TCOF1: variants seen among roughly 807,000 people sequenced by gnomAD.
TCOF1 encodes treacle protein.
A neutral mutation model predicts 149.0 loss-of-function variants in TCOF1; 33 were observed. The ratio of observed to expected loss-of-function variants is 0.22; its 90% CI spans 0.17 to 0.30. The LOEUF (loss-of-function observed/expected upper bound fraction) is 0.30, where lower values mean the gene tolerates loss of function less well. Among genes scored for constraint, TCOF1 ranks in the 10% least tolerant of loss-of-function variants. The probability of loss-of-function intolerance (pLI) is 1.00; values close to 1 mark genes in which losing one functional copy is unlikely to be tolerated. For synonymous variants in TCOF1, 789 were observed against 738.8 expected, an observed-to-expected ratio of 1.07 and a Z score of -1.10; for missense variants, 1,728 against 1,840.7, an observed-to-expected ratio of 0.94 and a Z score of 1.12.
chr5:150,391,486 G>T, intron 19 of TCOF1, 58 bp from the exon 20 acceptor site: 1 of 1,451,496 alleles, frequency 6.9e-7, no homozygotes, highest in South Asian at 1.1e-5. Context: ...ACCAGGGTGT[G>T]GCACAGCTGG....
chr5:150,395,716 C>A (rs1177424161), intron 23 of TCOF1, among the ~76,000 whole-genome samples: 6 of 152,122 alleles, frequency 3.9e-5, no homozygotes, highest in Non-Finnish European at 8.8e-5. Context: ...ACCCCCTGAC[C>A]AGGAAGGGCC....
chr5:150,357,714 G>C lies in TCOF1; in HGVS notation c.-33G>C. ...TGGCGGGCGGGGACTAAGGCGGGGCGTGCAGGTAGCCGGCCGGCCGGGGGT... is the reference window on the plus strand; with the variant it reads ...TGGCGGGCGGGGACTAAGGCGGGGCCTGCAGGTAGCCGGCCGGCCGGGGGT... On this transcript the variant is annotated 5_prime_UTR_variant, in exon 1 of 27. Transcript: ENST00000643257. The C allele has an allele frequency of 6.5e-7, 1 of 1,532,548 alleles. No individual in the cohort carries two copies. Among genetic ancestry groups the C allele is most frequent in the Non-Finnish European group, 8.8e-7 (1 of 1,135,264 alleles). 94.9% of individuals were successfully genotyped at this position (1,532,548 alleles called of 1,614,324 possible).
intron 18 of TCOF1, among the ~76,000 whole-genome samples, chr5:150,389,305 A>G (rs1159111599): frequency 6.6e-6 from 1 of 152,250 alleles, no homozygotes; most frequent in Non-Finnish European, 1.5e-5. Context: ...TCTAATGTTC[A>G]GTAACCTTCA....
At chr5:150,395,932 AG>A (rs1768408966) in intron 23 of TCOF1, among the ~76,000 whole-genome samples, 1 of 152,184 alleles carries the variant, frequency 6.6e-6, no homozygotes, top group Admixed American at 6.5e-5. Context: ...CCTTCCTCCC[AG>A]CTCCAGACTC....
At position 150,376,169 on chromosome 5, in the gene TCOF1, G is replaced by A. The variant is rs1038325143; in HGVS notation, c.1981G>A (p.Val661Met). ...ATCTGCCAAGGTCGCCCCTGTGCGA[G>A]TGGGCACCCAAGCCCCCCGGAAAGC... ...TASAKVAPVR[V>M]GTQAPRKAGT... The change falls in exon 13 of 27, where the codon GTG becomes ATG. Residue 661 changes from valine to methionine, a missense_variant. Around this residue, in one of 2 missense-constraint regions of TCOF1, gnomAD observed 1,696 missense variants for 1,765.4 expected, o/e 0.96. Coordinates refer to ENST00000643257, the MANE Select transcript of TCOF1 (RefSeq NM_001371623.1). 10 of 1,614,128 alleles carry A rather than the reference G, an allele frequency of 6.2e-6. No homozygotes were observed. Among genetic ancestry groups the A allele is most frequent in the Non-Finnish European group, 8.5e-6 (10 of 1,180,050 alleles).
At chr5:150,392,220 T>C (rs770279145) in intron 21 of TCOF1, 44 bp downstream of exon 21, 1 of 1,595,550 alleles carries the variant, frequency 6.3e-7, no homozygotes, top group South Asian at 1.1e-5. Flanking sequence ...AGGAAGAGGG[T>C]GTTGTGTGGC....
At chr5:150,363,549 C>A (rs1238504870) in intron 2 of TCOF1, among the ~76,000 whole-genome samples, 1 of 152,206 alleles carries the variant, frequency 6.6e-6, no homozygotes, top group Non-Finnish European at 1.5e-5. Context: ...TAGTGAGCTG[C>A]CAGCTGCCTT....
In TCOF1 at chr5:150,364,169, A is replaced by G. The variant is rs748855952; in HGVS notation, c.221A>G (p.Lys74Arg). The part of the protein sequence containing the change: ...KAEEDAALQA[K>R]KTRVSDPIST... ...GAGGAAGATGCGGCACTGCAAGCTA[A>G]GAAAACCCGTGTGTCAGACCCCATC... The change falls in exon 3 of 27, where the codon AAG (lysine) becomes AGG (arginine). Residue 74 changes from lysine (K) to arginine (R), a missense_variant. Physicochemically the swap from Lys to Arg is conservative, Grantham distance 26. Around this residue, in one of 2 missense-constraint regions of TCOF1, gnomAD observed 1,696 missense variants for 1,765.4 expected, o/e 0.96. Coordinates refer to ENST00000643257, the MANE Select transcript of TCOF1 (RefSeq NM_001371623.1). 1.2e-6 allele frequency: 2 copies of G among 1,614,072 alleles called. No individual in the cohort carries two copies. The highest frequency in any genetic ancestry group is 1.7e-5 in the Admixed American group (1 of 60,002).
At chr5:150,374,427 C>T in intron 8 of TCOF1, 41 bp downstream of exon 8, 2 of 1,550,112 alleles carry the variant, frequency 1.3e-6, no homozygotes, top group Non-Finnish European at 1.7e-6. Flanking sequence ...CCAGGCCCGT[C>T]CCCAGAAGGC....
intron 19 of TCOF1, among the ~76,000 whole-genome samples, 184 bp from the exon 20 acceptor site, chr5:150,391,360 C>T (rs941235638): frequency 2.0e-5 from 3 of 152,174 alleles, no homozygotes; most frequent in African/African-American, 7.2e-5. Context: ...GGGAACTGTC[C>T]CTTGCTCCTT....
chr5:150,374,111 C>A (rs1763151342), intron 7 of TCOF1, 63 bp from the exon 8 acceptor site: 1 of 1,542,740 alleles, frequency 6.5e-7, no homozygotes, highest in African/African-American at 1.4e-5. Context: ...GGACTTTATC[C>A]TAAAGGCATC....
chr5:150,379,503 C>T (rs1340354813), intron 16 of TCOF1, 29 bp from the exon 17 acceptor site: 2 of 1,379,450 alleles, frequency 1.4e-6, no homozygotes, highest in Admixed American at 1.8e-5. Context: ...CCTCCAGGCT[C>T]TCTCCTCTCA....
intron 2 of TCOF1, 84 bp downstream of exon 2, chr5:150,361,295 C>T: frequency 6.6e-7 from 1 of 1,524,930 alleles, no homozygotes; most frequent in Non-Finnish European, 9.1e-7. Context: ...CCTATCTGGT[C>T]TAAGATCTGT....
At chr5:150,396,905 G>A in intron 24 of TCOF1, 63 bp downstream of exon 24, 1 of 1,537,852 alleles carries the variant, frequency 6.5e-7, no homozygotes. Context: ...GGGCGGGAGG[G>A]ACCCTCAGCC....
rs199935918 is a variant in TCOF1, at chr5:150,375,474, G to A, written c.1624G>A (p.Glu542Lys). 11 of 1,613,992 alleles carry A rather than the reference G, an allele frequency of 6.8e-6. No individual in the cohort carries two copies. The highest frequency in any genetic ancestry group is 5.0e-5 in the Admixed American group (3 of 60,006). Residue 542 changes from glutamate (E) to lysine (K), a missense_variant, in exon 11 of 27, where the codon GAG becomes AAG. Glu to Lys is a moderately conservative substitution (Grantham distance 56). Transcript: ENST00000643257. ...ATPSAQVGKW[E>K]EDSESSSEES... ...CCCCTCAGCCCAGGTGGGGAAGTGGGAGGAGGACTCAGAGAGCAGTAGTGA... is the reference window on the plus strand; with the variant it reads ...CCCCTCAGCCCAGGTGGGGAAGTGGAAGGAGGACTCAGAGAGCAGTAGTGA...
rs1301014904 is a variant in TCOF1 at position 150,388,101 on chromosome 5, C to T, written c.3046+13C>T. 1 of 1,612,854 alleles carries T rather than the reference C, an allele frequency of 6.2e-7. No individual in the cohort carries two copies. Among genetic ancestry groups the T allele is most frequent in the Non-Finnish European group, 8.5e-7 (1 of 1,179,890 alleles). On this transcript the variant is annotated intron_variant, in intron 18 of 26. Coordinates refer to ENST00000643257, the MANE Select transcript of TCOF1 (RefSeq NM_001371623.1). The stretch of plus-strand genomic sequence containing the variant: ...TGCTTGACTCCTGGTGAGCGCAGCC[C>T]TTATGCAGTGGTGGGAGGGGCTGCC...
chr5:150,365,952 A>G (rs1240455133), intron 3 of TCOF1, among the ~76,000 whole-genome samples: 1 of 151,658 alleles, frequency 6.6e-6, no homozygotes, highest in African/African-American at 2.4e-5. Context: ...AAAACCCTGT[A>G]TCTACAAAAA....
intron 1 of TCOF1, among the ~76,000 whole-genome samples, chr5:150,360,201 T>C (rs1037654760): frequency 6.6e-6 from 1 of 152,212 alleles, no homozygotes; most frequent in South Asian, 2.1e-4. Flanking sequence ...AGAAGAAATC[T>C]GAAGTTCGAA....
chr5:150,392,781 G>A lies in TCOF1; in HGVS notation c.3594G>A (p.Ala1198=), dbSNP rs148626720. 784 of 1,613,904 alleles carry A rather than the reference G, an allele frequency of 4.9e-4. 8 individuals carry two copies. In the African/African-American group the frequency reaches 8.9e-3, roughly 18 times the overall value. The change falls in exon 22 of 27, where the codon GCG becomes GCA. Residue 1198 remains alanine, a synonymous_variant. Coordinates refer to ENST00000643257, the MANE Select transcript of TCOF1 (RefSeq NM_001371623.1). ...AAESSEDDVV[A]PSQSLLSGYM... ...AGTCCAGCGAGGATGATGTGGTGGC[G>A]CCATCCCAGGTAACTGCAAGGGAGA...
Sources: gnomAD v4.1 joint callset for allele counts (sites outside exome capture counted in the v4.1 genomes callset) on GRCh38, gnomAD v4.1.1 for gene constraint, gnomAD v4.1.1 regional missense constraint, MANE v1.5 for transcripts, NCBI Gene and HGNC (gene_info 2026-07-23, HGNC 2026-07-21) for gene names.